SAMMSON: variants seen among roughly 807,000 people sequenced by gnomAD.
The protein encoded by SAMMSON is survival associated mitochondrial melanoma specific oncogenic non-coding RNA.
intron 7 of SAMMSON, among the ~76,000 whole-genome samples, chr3:70,318,973 TTTGG>T (rs1702516318): frequency 6.6e-6 from 1 of 152,086 alleles, no homozygotes; most frequent in South Asian, 2.1e-4. Flanking sequence ...ATATCTCCTC[TTTGG>T]TTGAGCCAGA....
chr3:70,011,624 A>G (rs1298258701), intron 1 of SAMMSON, among the ~76,000 whole-genome samples: 8 of 146,198 alleles, frequency 5.5e-5, no homozygotes, highest in East Asian at 4.0e-4. Context: ...TTTTTTTACT[A>G]TGGAAGTGAA....
At chr3:70,312,254 C>T (rs1702460726) in intron 7 of SAMMSON, among the ~76,000 whole-genome samples, 1 of 152,158 alleles carries the variant, frequency 6.6e-6, no homozygotes, top group Admixed American at 6.6e-5. Flanking sequence ...AGATTAACAA[C>T]TAGCCATGGA....
chr3:70,139,826 T>C (rs886571081), intron 4 of SAMMSON, among the ~76,000 whole-genome samples: 2 of 152,118 alleles, frequency 1.3e-5, no homozygotes, highest in Admixed American at 1.3e-4. Context: ...ATACATCTTA[T>C]TTGGACTTCT....
At chr3:70,091,020 T>G (rs956835278) in intron 4 of SAMMSON, among the ~76,000 whole-genome samples, 1 of 152,204 alleles carries the variant, frequency 6.6e-6, no homozygotes, top group Non-Finnish European at 1.5e-5. Flanking sequence ...GTAACTTATG[T>G]TAGCCTCTGA....
At chr3:70,157,043 C>T (rs988605161) in intron 4 of SAMMSON, among the ~76,000 whole-genome samples, 1 of 152,012 alleles carries the variant, frequency 6.6e-6, no homozygotes, top group Non-Finnish European at 1.5e-5. Flanking sequence ...TTAACCCTTT[C>T]GAAAGCAGGG....
intron 2 of SAMMSON, among the ~76,000 whole-genome samples, chr3:70,423,031 A>C (rs1316110767): frequency 2.0e-5 from 3 of 152,040 alleles, no homozygotes; most frequent in African/African-American, 7.2e-5. Flanking sequence ...GGGGCAGGGA[A>C]AGGATATATC....
At chr3:70,231,796 A>G (rs1016045693) in intron 4 of SAMMSON, among the ~76,000 whole-genome samples, 24 of 152,180 alleles carry the variant, frequency 1.6e-4, no homozygotes, top group African/African-American at 5.8e-4. Context: ...ATTAGGTGGC[A>G]ATGAAATTAC....
At chr3:70,229,213 G>A (rs1363461582) in intron 4 of SAMMSON, among the ~76,000 whole-genome samples, 2 of 152,196 alleles carry the variant, frequency 1.3e-5, no homozygotes, top group African/African-American at 4.8e-5. Flanking sequence ...AGGTGTCAGA[G>A]GAGGAATGGT....
chr3:70,338,929 A>G (rs563880093), intron 7 of SAMMSON, among the ~76,000 whole-genome samples: 1 of 152,334 alleles, frequency 6.6e-6, no homozygotes, highest in East Asian at 1.9e-4. Context: ...ACCAAAAAAG[A>G]GCCTGCATTG....
intron 7 of SAMMSON, among the ~76,000 whole-genome samples, chr3:70,297,219 T>C (rs545780706): frequency 6.6e-6 from 1 of 152,256 alleles, no homozygotes; most frequent in Non-Finnish European, 1.5e-5. Flanking sequence ...TTTGCCTAGC[T>C]CTTGGTAATT....
chr3:70,082,012 T>A (rs1469876471), intron 4 of SAMMSON, among the ~76,000 whole-genome samples: 1 of 152,228 alleles, frequency 6.6e-6, no homozygotes, highest in Admixed American at 6.5e-5. Flanking sequence ...TCAGAGCTGT[T>A]GTGCAGGTGT....
chr3:70,227,567 GA>G (rs1473728369), intron 4 of SAMMSON, among the ~76,000 whole-genome samples: 1 of 152,194 alleles, frequency 6.6e-6, no homozygotes, highest in Non-Finnish European at 1.5e-5. Flanking sequence ...CCAAAAATAA[GA>G]AAGTGAAAAG....
chr3:70,283,455 T>C (rs1433451707), intron 6 of SAMMSON, among the ~76,000 whole-genome samples: 1 of 152,114 alleles, frequency 6.6e-6, no homozygotes. Flanking sequence ...AGCAAGGGCC[T>C]TGAAGAGAGG....
intron 3 of SAMMSON, among the ~76,000 whole-genome samples, chr3:70,067,423 T>C (rs2067214048): frequency 6.6e-6 from 1 of 152,084 alleles, no homozygotes; most frequent in Non-Finnish European, 1.5e-5. Context: ...CAATAGGTAC[T>C]GGTTTTTTTC....
rs145399536 is a variant in SAMMSON at position 70,059,821 on chromosome 3, T to C, written n.418-11655T>C. Among the ~76,000 whole-genome samples, 247 of 152,220 alleles carry C rather than the reference T, an allele frequency of 1.6e-3. 2 individuals carry two copies. The highest frequency in any genetic ancestry group is 5.8e-3 in the African/African-American group (239 of 41,558). ...GGCTATGGGGGACTTTCTAGCTGTT[T>C]TAGTGAATGACACCAGCATTTATTC... On this transcript the variant is annotated intron_variant and non_coding_transcript_variant, in intron 3 of 9. Transcript: ENST00000642114.
intron 4 of SAMMSON, among the ~76,000 whole-genome samples, chr3:70,155,066 G>A (rs2106689491): frequency 6.6e-6 from 1 of 151,672 alleles, no homozygotes; most frequent in East Asian, 2.0e-4. Context: ...GATAGTTCTG[G>A]TGGATATCAT....
At chr3:70,388,033 A>G (rs1700996435) in intron 9 of SAMMSON, among the ~76,000 whole-genome samples, 1 of 152,102 alleles carries the variant, frequency 6.6e-6, no homozygotes, top group South Asian at 2.1e-4. Flanking sequence ...TGCTGAAACA[A>G]TGATGTGATG....
chr3:70,243,933 G>T (rs778990253), intron 4 of SAMMSON, among the ~76,000 whole-genome samples: 1 of 152,120 alleles, frequency 6.6e-6, no homozygotes, highest in Non-Finnish European at 1.5e-5. Context: ...TAACAGAGGA[G>T]GTAAGGGTCA....
chr3:70,257,437 G>A (rs980754628), intron 6 of SAMMSON, among the ~76,000 whole-genome samples: 1 of 151,926 alleles, frequency 6.6e-6, no homozygotes, highest in Non-Finnish European at 1.5e-5. Context: ...AAGAAGCAAA[G>A]AAGAATCACA....
Sources: allele counts gnomAD v4.1 joint callset (sites outside exome capture counted in the v4.1 genomes callset), GRCh38; gene constraint gnomAD v4.1.1; transcripts MANE v1.5; gene names NCBI Gene and HGNC (gene_info 2026-07-23, HGNC 2026-07-21).